The following MRPS6 variants were observed in gnomAD, a reference collection of about 807,000 sequenced individuals.
MRPS6 encodes small ribosomal subunit protein bS6m.
A neutral mutation model predicts 13.1 loss-of-function variants in MRPS6; 6 were observed. That is an observed-to-expected ratio of 0.46 (90% CI 0.25 to 0.91). The LOEUF is 0.91. MRPS6 is among the 40% of genes least tolerant of loss of function. The pLI is 0.18. For synonymous variants in MRPS6, 61 were observed against 56.5 expected (o/e 1.08, Z -0.36); for missense variants, 164 against 155.6 (o/e 1.05, Z -0.29).
At chr21:34,082,171 G>C (rs1262440816) in intron 1 of MRPS6, among the ~76,000 whole-genome samples, 3 of 151,942 alleles carry the variant, frequency 2.0e-5, no homozygotes, top group African/African-American at 7.3e-5. Flanking sequence ...CAGATAATTA[G>C]CTGTAGGTTG....
At chr21:34,076,540 G>A (rs1236591233) in intron 1 of MRPS6, among the ~76,000 whole-genome samples, 1 of 152,136 alleles carries the variant, frequency 6.6e-6, no homozygotes, top group Admixed American at 6.5e-5. Context: ...ATCTACTTTT[G>A]TACTTCCAAG....
intron 1 of MRPS6, among the ~76,000 whole-genome samples, chr21:34,118,039 T>C (rs1056001146): frequency 3.3e-5 from 5 of 152,190 alleles, no homozygotes; most frequent in Non-Finnish European, 5.9e-5. Context: ...CAGTATTTTT[T>C]TCAACATTAT....
At chr21:34,116,255 T>C (rs1200793613) in intron 1 of MRPS6, among the ~76,000 whole-genome samples, 2 of 151,110 alleles carry the variant, frequency 1.3e-5, no homozygotes, top group Non-Finnish European at 3.0e-5. Flanking sequence ...ACCATGTTGC[T>C]CAGGCTGGTC....
Position 34,106,677 on chromosome 21 carries a change from A to T in MRPS6, c.46-18664A>T, listed in dbSNP as rs73899970. Among the ~76,000 whole-genome samples, 1,150 of 152,332 alleles carry T rather than the reference A, an allele frequency of 7.5e-3. 15 individuals carry two copies. The highest frequency in any genetic ancestry group is 0.026 in the African/African-American group (1,073 of 41,574). On this transcript the variant is annotated intron_variant, in intron 1 of 2. Coordinates refer to ENST00000399312, the MANE Select transcript of MRPS6 (RefSeq NM_032476.4). ...GAACCATTTGAGATACTATTTGCAGACATTGTTCCCCTTTACTCCCTGAGT... is the reference window on the plus strand; with the variant it reads ...GAACCATTTGAGATACTATTTGCAGTCATTGTTCCCCTTTACTCCCTGAGT...
chr21:34,102,782 C>CA, intron 1 of MRPS6: 1 of 1,000,022 alleles, frequency 1.0e-6, no homozygotes, highest in Non-Finnish European at 1.2e-6. Context: ...CACTGAAAAG[C>CA]ACTATAACAT....
chr21:34,142,769 G>A lies in MRPS6; in HGVS notation c.*169G>A. 1 of 672,288 alleles carries A rather than the reference G, an allele frequency of 1.5e-6. No individual in the cohort carries two copies. The highest frequency in any genetic ancestry group is 2.2e-6 in the Non-Finnish European group (1 of 446,482). The allele number at this position is 672,288 out of a possible 1,614,324, so 41.6% of individuals were successfully genotyped here. ...GATCCCCTTTGCTTGCGAGAGGTGG[G>A]GAACTGCTCACTGACAGCTTCTCTG... On this transcript the variant is annotated 3_prime_UTR_variant, in exon 3 of 3. Transcript: ENST00000399312.
At chr21:34,127,631 T>C (rs1980353376) in intron 2 of MRPS6, among the ~76,000 whole-genome samples, 1 of 152,244 alleles carries the variant, frequency 6.6e-6, no homozygotes, top group Admixed American at 6.5e-5. Context: ...AGATTTGGAA[T>C]TGGGCGATAA....
chr21:34,119,947 A>T (rs771744195), intron 1 of MRPS6, among the ~76,000 whole-genome samples: 9 of 152,078 alleles, frequency 5.9e-5, no homozygotes, highest in Non-Finnish European at 1.3e-4. Context: ...TACTACAGCA[A>T]CTTTTCCCAT....
Position 34,074,682 on chromosome 21 carries a change from TC to T in MRPS6, c.45+938del, listed in dbSNP as rs1602895727. ...CGTAGTTTGGTGTTATGTTTTTTTT[TC>T]TCCACCAGGTGTAATAAAACAAAAA... is the stretch of plus-strand genomic sequence containing the variant. On this transcript the variant is annotated intron_variant, in intron 1 of 2. Transcript: ENST00000399312. 2.0e-5 allele frequency among the ~76,000 whole-genome samples: 3 copies of T among 152,318 alleles called. No homozygotes were observed. The East Asian group carries it at 5.8e-4, about 29-fold the overall frequency.
At chr21:34,105,474 A>G (rs1050460488) in intron 1 of MRPS6, 2 of 999,590 alleles carry the variant, frequency 2.0e-6, no homozygotes, top group African/African-American at 3.5e-5. Context: ...GCTTTTATCT[A>G]GTAATTTTGA....
At chr21:34,092,327 G>A (rs1341960563) in intron 1 of MRPS6, among the ~76,000 whole-genome samples, 3 of 150,230 alleles carry the variant, frequency 2.0e-5, no homozygotes, top group Non-Finnish European at 4.4e-5. Flanking sequence ...TTTACCAGGT[G>A]CTGGTCTCTG....
intron 1 of MRPS6, among the ~76,000 whole-genome samples, chr21:34,111,260 A>C (rs1005140556): frequency 4.6e-5 from 7 of 152,258 alleles, no homozygotes; most frequent in Non-Finnish European, 8.8e-5. Context: ...AATGAGAATC[A>C]CTTGGAATTG....
intron 1 of MRPS6, chr21:34,103,890 CT>C: frequency 1.0e-6 from 1 of 1,000,044 alleles, no homozygotes; most frequent in Non-Finnish European, 1.2e-6. Flanking sequence ...CAACTTGAAA[CT>C]GGAGAAATAG....
At chr21:34,105,334 C>A (rs1979429942) in intron 1 of MRPS6, 1 of 999,560 alleles carries the variant, frequency 1.0e-6, no homozygotes, top group Non-Finnish European at 1.2e-6. Context: ...AGATGGATAT[C>A]AAAAATAGTT....
chr21:34,107,861 CTG>C (rs1979542030), intron 1 of MRPS6, among the ~76,000 whole-genome samples: 1 of 152,212 alleles, frequency 6.6e-6, no homozygotes, highest in Non-Finnish European at 1.5e-5. Context: ...TCTGGATGCA[CTG>C]TGTCATTTCC....
intron 1 of MRPS6, among the ~76,000 whole-genome samples, chr21:34,084,260 T>C (rs1326414892): frequency 7.1e-6 from 1 of 140,234 alleles, no homozygotes; most frequent in Admixed American, 7.0e-5. Flanking sequence ...TGGAGAATTA[T>C]AATCTGGTCT....
intron 2 of MRPS6, among the ~76,000 whole-genome samples, chr21:34,127,299 T>C (rs190224148): frequency 3.7e-4 from 56 of 152,290 alleles, no homozygotes; most frequent in African/African-American, 1.3e-3. Context: ...CAGTGTCTGG[T>C]ATTTATTTGT....
At chr21:34,074,811 G>A (rs986881916) in intron 1 of MRPS6, among the ~76,000 whole-genome samples, 15 of 152,242 alleles carry the variant, frequency 9.9e-5, no homozygotes, top group African/African-American at 3.6e-4. Context: ...ATTGCGAGGA[G>A]TATTACCAAG....
chr21:34,104,809 C>CTA (rs775371737), intron 1 of MRPS6: 5 of 1,000,050 alleles, frequency 5.0e-6, no homozygotes, highest in Non-Finnish European at 6.0e-6. Context: ...ATCCTACGTA[C>CTA]TATGTGTTCT....
Sources: gnomAD v4.1 joint callset for allele counts (sites outside exome capture counted in the v4.1 genomes callset) on GRCh38, gnomAD v4.1.1 for gene constraint, MANE v1.5 for transcripts, NCBI Gene and HGNC (gene_info 2026-07-23, HGNC 2026-07-21) for gene names.